Variants in HTR4 observed in about 807,000 individuals in gnomAD.
HTR4 encodes 5-hydroxytryptamine receptor 4.
In HTR4, 16 loss-of-function variants were observed where a neutral mutation model predicts 36.8. That is an observed-to-expected ratio of 0.43 (90% confidence interval 0.29 to 0.66). The LOEUF (loss-of-function observed/expected upper bound fraction) is 0.66. Among genes scored for constraint, HTR4 ranks in the 30% least tolerant of loss-of-function variants. HTR4 has a pLI of 0.13. For synonymous variants in HTR4, 189 were observed against 185.1 expected, an observed-to-expected ratio of 1.02 and a Z score of -0.17; for missense variants, 438 against 490.9, an observed-to-expected ratio of 0.89 and a Z score of 1.02.
At chr5:148,461,548 T>C (rs1318194077) in intron 5 of HTR4, among the ~76,000 whole-genome samples, 3 of 151,928 alleles carry the variant, frequency 2.0e-5, no homozygotes, top group South Asian at 2.1e-4. Flanking sequence ...AATAAAGGTG[T>C]CAGTTCTCCA....
At chr5:148,637,840 AG>A (rs1753598901) in intron 1 of HTR4, among the ~76,000 whole-genome samples, 1 of 152,194 alleles carries the variant, frequency 6.6e-6, no homozygotes, top group Non-Finnish European at 1.5e-5. Flanking sequence ...ATGATGAATC[AG>A]TAAGTGTAGG....
At chr5:148,621,275 G>T (rs1042886888) in intron 2 of HTR4, among the ~76,000 whole-genome samples, 2 of 152,144 alleles carry the variant, frequency 1.3e-5, no homozygotes, top group South Asian at 4.1e-4. Context: ...GGCTGCCCAC[G>T]CATGACAGAG....
intron 6 of HTR4, among the ~76,000 whole-genome samples, chr5:148,490,436 T>C (rs747433598): frequency 1.1e-4 from 17 of 152,042 alleles, no homozygotes; most frequent in Admixed American, 7.2e-4. Flanking sequence ...TCATTAGTAA[T>C]ATTTCCAGAA....
rs951855979 is a variant in HTR4, at chr5:148,481,740, T to C, written c.*1463A>G. On this transcript the variant is annotated 3_prime_UTR_variant, in exon 7 of 7. Coordinates refer to ENST00000377888, the MANE Select transcript of HTR4 (RefSeq NM_000870.7). ...TATTAAACCACAGCCAAGATCAAAGTCAGAATCTCACATGGCTCTGGGTTT... is the reference window on the plus strand; with the variant it reads ...TATTAAACCACAGCCAAGATCAAAGCCAGAATCTCACATGGCTCTGGGTTT... 3 of 1,432,096 alleles carry C rather than the reference T, an allele frequency of 2.1e-6. No individual in the cohort carries two copies. The highest frequency in any genetic ancestry group is 2.9e-5 in the Admixed American group (1 of 34,376). The allele number at this position is 1,432,096 out of a possible 1,614,324, so 88.7% of individuals were successfully genotyped here.
chr5:148,626,686 C>T (rs1753120758), intron 2 of HTR4, among the ~76,000 whole-genome samples: 1 of 152,150 alleles, frequency 6.6e-6, no homozygotes, highest in Admixed American at 6.5e-5. Flanking sequence ...ATAAAATGAT[C>T]CCTTTGGTCA....
intron 2 of HTR4, among the ~76,000 whole-genome samples, chr5:148,612,699 A>T (rs1752487925): frequency 6.8e-6 from 1 of 146,280 alleles, no homozygotes; most frequent in African/African-American, 2.5e-5. Flanking sequence ...TGAAGGAAAT[A>T]GAGACACAAA....
At chr5:148,640,490 C>T (rs1226956011) in intron 1 of HTR4, among the ~76,000 whole-genome samples, 1 of 152,180 alleles carries the variant, frequency 6.6e-6, no homozygotes, top group African/African-American at 2.4e-5. Flanking sequence ...TGCTAGTGGC[C>T]ATCATTGCCA....
chr5:148,618,621 C>T (rs1752796937), intron 2 of HTR4, among the ~76,000 whole-genome samples: 1 of 151,342 alleles, frequency 6.6e-6, no homozygotes, highest in Non-Finnish European at 1.5e-5. Context: ...CACTGCTGTG[C>T]TAAGCTCCAA....
rs146751166 is a variant in HTR4, at chr5:148,482,442, A to G, written c.*761T>C. On this transcript the variant is annotated 3_prime_UTR_variant, in exon 7 of 7. Coordinates refer to ENST00000377888, the MANE Select transcript of HTR4 (RefSeq NM_000870.7). ...GCCAGCGGCCAGGACACCAGGAGGA[A>G]GCTATCTGTCTTCAGCTTCCCTCCA... is the stretch of plus-strand genomic sequence containing the variant. The G allele has an allele frequency of 6.9e-4, 683 of 985,618 alleles. 1 individual carries two copies. The African/African-American group carries it at 0.011, about 16-fold the overall frequency. The allele number at this position is 985,618 out of a possible 1,614,324, so 61.1% of individuals were successfully genotyped here. A position where few individuals can be genotyped will look rare whatever the true frequency, so the allele number is the denominator to read the frequency against.
At chr5:148,503,499 A>G (rs1184046222) in intron 6 of HTR4, among the ~76,000 whole-genome samples, 1 of 152,266 alleles carries the variant, frequency 6.6e-6, no homozygotes, top group Admixed American at 6.5e-5. Context: ...GAAGCACTAA[A>G]CATGGAAAGG....
downstream of HTR4, chr5:148,476,892 G>A: frequency 1.6e-6 from 2 of 1,260,952 alleles, no homozygotes; most frequent in East Asian, 5.1e-5. Flanking sequence ...AAGACTTCAG[G>A]TAGGAGGTGG....
chr5:148,476,878 G>A (rs1417881276), downstream of HTR4: 2 of 1,380,816 alleles, frequency 1.4e-6, no homozygotes, highest in Non-Finnish European at 2.0e-6. Flanking sequence ...CCTGGAGGCT[G>A]GAAAAGACTT....
intron 2 of HTR4, among the ~76,000 whole-genome samples, chr5:148,565,851 A>G (rs1760414094): frequency 6.6e-6 from 1 of 152,158 alleles, no homozygotes. Context: ...CTCTAGAGCC[A>G]AAGACAGAAT....
At chr5:148,560,789 C>T (rs1457829382) in intron 2 of HTR4, among the ~76,000 whole-genome samples, 1 of 151,980 alleles carries the variant, frequency 6.6e-6, no homozygotes, top group East Asian at 1.9e-4. Context: ...GATTTAAACC[C>T]ACATATTTTT....
intron 2 of HTR4, among the ~76,000 whole-genome samples, chr5:148,615,211 C>G (rs1396859772): frequency 6.6e-6 from 1 of 152,048 alleles, no homozygotes; most frequent in Non-Finnish European, 1.5e-5. Flanking sequence ...AATCATGTTG[C>G]TATAAAGACA....
chr5:148,641,503 A>T (rs1352759255), intron 1 of HTR4, among the ~76,000 whole-genome samples: 2 of 152,210 alleles, frequency 1.3e-5, no homozygotes, highest in Non-Finnish European at 2.9e-5. Context: ...TACCAATGTG[A>T]GGTACAAATG....
Position 148,637,035 on chromosome 5 carries a change from G to A in HTR4, c.-21C>T, listed in dbSNP as rs751705725. 24 of 1,610,392 alleles carry A rather than the reference G, an allele frequency of 1.5e-5. No individual in the cohort carries two copies. In the South Asian group the frequency reaches 2.6e-4, roughly 18 times the overall value. ...TCCATTACAGGAAATAAGCATGAGT[G>A]AGTTGGATTTCAATGCCCACAGGGT... On this transcript the variant is annotated 5_prime_UTR_variant, in exon 2 of 7. Transcript: ENST00000377888.
At chr5:148,603,208 T>C (rs1305343115) in intron 2 of HTR4, among the ~76,000 whole-genome samples, 2 of 152,074 alleles carry the variant, frequency 1.3e-5, no homozygotes, top group East Asian at 3.9e-4. Context: ...AAGCAACAAA[T>C]AATAGTTATT....
At chr5:148,460,165 A>T (rs946229282) in intron 5 of HTR4, among the ~76,000 whole-genome samples, 4 of 152,078 alleles carry the variant, frequency 2.6e-5, no homozygotes, top group Non-Finnish European at 4.4e-5. Flanking sequence ...AACTAAAAAA[A>T]AAAGTGCACC....
Sources: gnomAD v4.1 joint callset for allele counts (sites outside exome capture counted in the v4.1 genomes callset) on GRCh38, gnomAD v4.1.1 for gene constraint, MANE v1.5 for transcripts, NCBI Gene and HGNC (gene_info 2026-07-23, HGNC 2026-07-21) for gene names.